Variants in FAAH2 observed in about 807,000 individuals in gnomAD.
FAAH2 encodes the protein fatty acid amide hydrolase 2, also known as fatty-acid amide hydrolase 2.
FAAH2 carries 60 observed loss-of-function variants against 36.9 expected under a neutral mutation model. That is an observed-to-expected ratio of 1.63 (90% CI 1.32 to 2.02). FAAH2 has a LOEUF of 2.02. Among genes scored for constraint, FAAH2 ranks in the 30% most tolerant of loss-of-function variants. The probability of loss-of-function intolerance (pLI) is 0.00; values close to 1 mark genes in which losing one functional copy is unlikely to be tolerated. For synonymous variants in FAAH2, 214 were observed against 143.8 expected (o/e 1.49, Z -3.49); for missense variants, 689 against 397.5 (o/e 1.73, Z -6.23).
At chrX:57,150,107 G>C in the FAAH2 span, among the ~76,000 whole-genome samples, 3 of 112,254 alleles carry the variant, frequency 2.7e-5, no homozygotes, top group Non-Finnish European at 5.6e-5. Flanking sequence ...TAGTTTGATT[G>C]CACTGTGGTC....
At chrX:57,221,837 T>A in the FAAH2 span, among the ~76,000 whole-genome samples, 1 of 109,914 alleles carries the variant, frequency 9.1e-6, no homozygotes, top group Admixed American at 9.7e-5. Flanking sequence ...GCATACTACC[T>A]CAAGGTTTCA....
the FAAH2 span, among the ~76,000 whole-genome samples, chrX:57,168,371 A>G: frequency 9.3e-6 from 1 of 107,008 alleles, no homozygotes; most frequent in South Asian, 4.0e-4. Flanking sequence ...TAGAGCAAGG[A>G]TATATATGTG....
At chrX:57,132,069 G>A in the FAAH2 span, among the ~76,000 whole-genome samples, 3 of 112,200 alleles carry the variant, frequency 2.7e-5, no homozygotes, top group Admixed American at 1.9e-4. Context: ...GAAATGGGAC[G>A]TGATATACGT....
the FAAH2 span, among the ~76,000 whole-genome samples, chrX:57,241,025 C>T: frequency 1.2e-4 from 14 of 112,066 alleles, no homozygotes; most frequent in African/African-American, 4.5e-4. Context: ...TGCTCCACTG[C>T]AGCCATTCTG....
intron 3 of FAAH2, among the ~76,000 whole-genome samples, chrX:57,323,863 T>G (rs1334324325): frequency 9.0e-6 from 1 of 111,168 alleles, no homozygotes; most frequent in East Asian, 2.8e-4. Flanking sequence ...CATTTGTCAA[T>G]TTTGGCTTTT....
chrX:57,297,194 A>T (rs1329014992), intron 2 of FAAH2, among the ~76,000 whole-genome samples: 1 of 103,547 alleles, frequency 9.7e-6, no homozygotes, highest in Non-Finnish European at 2.0e-5. Context: ...TGTTAAGGGC[A>T]GCCAGAGAGA....
At chrX:57,453,558 T>C (rs1185461287) in intron 10 of FAAH2, among the ~76,000 whole-genome samples, 1 of 110,965 alleles carries the variant, frequency 9.0e-6, no homozygotes, top group East Asian at 2.9e-4. Flanking sequence ...GCAGTCCCAC[T>C]TCTGTCTGAA....
At chrX:57,203,526 T>G in the FAAH2 span, among the ~76,000 whole-genome samples, 1 of 110,820 alleles carries the variant, frequency 9.0e-6, no homozygotes, top group Non-Finnish European at 1.9e-5. Flanking sequence ...CTGTTCCCAA[T>G]ATGTCCCCCT....
At chrX:57,125,016 C>T in the FAAH2 span, among the ~76,000 whole-genome samples, 1 of 112,399 alleles carries the variant, frequency 8.9e-6, no homozygotes, top group Non-Finnish European at 1.9e-5. Flanking sequence ...TTCCTGATTG[C>T]CCTGGCCAGA....
chrX:57,318,213 T>G (rs745642411), intron 3 of FAAH2, among the ~76,000 whole-genome samples: 21 of 108,410 alleles, frequency 1.9e-4, no homozygotes, highest in African/African-American at 6.6e-4. Context: ...TCAAAAAAAA[T>G]AAATGAATCC....
At chrX:57,289,458 C>A (rs146595538) in intron 1 of FAAH2, among the ~76,000 whole-genome samples, 3 of 110,918 alleles carry the variant, frequency 2.7e-5, no homozygotes, top group African/African-American at 9.8e-5. Context: ...TCATACATAG[C>A]CTGGTCATTT....
intron 10 of FAAH2, among the ~76,000 whole-genome samples, chrX:57,460,650 A>G (rs1018698889): frequency 5.4e-5 from 6 of 112,034 alleles, no homozygotes; most frequent in African/African-American, 1.9e-4. Context: ...TCCTGAAGAA[A>G]TCACTAAATA....
chrX:57,248,749 G>A, the FAAH2 span, among the ~76,000 whole-genome samples: 3 of 40,779 alleles, frequency 7.4e-5, no homozygotes, highest in Non-Finnish European at 1.1e-4. Flanking sequence ...GCAAAGCTCC[G>A]TCTCAAAAAA....
At chrX:57,225,801 T>C in the FAAH2 span, among the ~76,000 whole-genome samples, 1 of 112,313 alleles carries the variant, frequency 8.9e-6, no homozygotes, top group Non-Finnish European at 1.9e-5. Flanking sequence ...GTAATTGTTT[T>C]ATAAATTTGG....
intron 10 of FAAH2, among the ~76,000 whole-genome samples, chrX:57,486,347 T>A (rs1032423085): frequency 1.8e-5 from 2 of 110,991 alleles, no homozygotes; most frequent in Non-Finnish European, 3.8e-5. Context: ...GTCAGTGGGG[T>A]TGGGTGGGGC....
intron 10 of FAAH2, among the ~76,000 whole-genome samples, chrX:57,467,359 AG>A (rs1413220382): frequency 2.7e-5 from 3 of 111,343 alleles, no homozygotes; most frequent in Non-Finnish European, 5.7e-5. Flanking sequence ...AGTCAAAGAA[AG>A]GGGTGACAGA....
the FAAH2 span, among the ~76,000 whole-genome samples, chrX:57,257,541 C>CG: frequency 9.3e-6 from 1 of 107,457 alleles, no homozygotes; most frequent in Non-Finnish European, 1.9e-5. Flanking sequence ...CATTGCCTGT[C>CG]GGGGGGTGGG....
intron 7 of FAAH2, among the ~76,000 whole-genome samples, chrX:57,389,045 C>T (rs2055096521): frequency 9.2e-6 from 1 of 108,492 alleles, no homozygotes; most frequent in Admixed American, 1.0e-4. Flanking sequence ...TATCTTTGAA[C>T]AAAAGCTGTT....
the FAAH2 span, among the ~76,000 whole-genome samples, chrX:57,192,825 C>A: frequency 8.9e-6 from 1 of 111,925 alleles, no homozygotes; most frequent in Non-Finnish European, 1.9e-5. Context: ...ATTTCATGGA[C>A]GCTTATCACT....
Sources: gnomAD v4.1 joint callset for allele counts (sites outside exome capture counted in the v4.1 genomes callset) on GRCh38, gnomAD v4.1.1 for gene constraint, MANE v1.5 for transcripts, NCBI Gene and HGNC (gene_info 2026-07-23, HGNC 2026-07-21) for gene names.